The following ANO4 variants were observed in gnomAD, a reference collection of about 807,000 sequenced individuals.
ANO4 encodes the protein anoctamin 4, also known as anoctamin-4.
ANO4 carries 69 observed loss-of-function variants against 141.9 expected under a neutral mutation model. The observed-to-expected ratio is 0.49, with a 90% CI of 0.40 to 0.59. The LOEUF is 0.59. ANO4 is among the 20% of genes least tolerant of loss of function. ANO4 has a pLI of 0.00. For missense variants in ANO4, 894 were observed against 1,162.2 expected (o/e 0.77, Z 3.36); for synonymous variants, 350 against 394.3 (o/e 0.89, Z 1.33).
intron 5 of ANO4, among the ~76,000 whole-genome samples, chr12:100,955,464 A>G (rs1392228789): frequency 6.6e-6 from 1 of 152,112 alleles, no homozygotes; most frequent in Non-Finnish European, 1.5e-5. Context: ...GGTAAAAGTG[A>G]ACTTTTACGA....
chr12:100,964,237 T>C lies in ANO4; in HGVS notation c.457-7069T>C, dbSNP rs917678096. ...ACAGCAGTTCTGAAGCCAGACTGCA[T>C]TGATGAGAACCAGGCTCCATTCCTT... On this transcript the variant is annotated intron_variant, in intron 5 of 27. Transcript: ENST00000392977. Among the ~76,000 whole-genome samples, 2 of 152,214 alleles carry C rather than the reference T, an allele frequency of 1.3e-5. 1 individual carries two copies. Among genetic ancestry groups the C allele is most frequent in the South Asian group, 4.1e-4 (2 of 4,822 alleles).
chr12:100,972,805 C>T (rs2043987573), intron 6 of ANO4, among the ~76,000 whole-genome samples: 1 of 152,178 alleles, frequency 6.6e-6, no homozygotes. Context: ...AAATAAATCT[C>T]ATAAAACCTT....
chr12:100,959,250 A>T (rs1049755426), intron 5 of ANO4, among the ~76,000 whole-genome samples: 7 of 151,842 alleles, frequency 4.6e-5, no homozygotes, highest in African/African-American at 1.5e-4. Context: ...CTGTCGCGGG[A>T]GCTCTCCTAT....
At chr12:100,824,516 A>T (rs902029751) in intron 1 of ANO4, among the ~76,000 whole-genome samples, 1 of 152,036 alleles carries the variant, frequency 6.6e-6, no homozygotes, top group African/African-American at 2.4e-5. Flanking sequence ...GTTTTCCTCA[A>T]ATGGACTTAA....
chr12:100,932,024 G>A (rs1377414541), intron 3 of ANO4, among the ~76,000 whole-genome samples: 3 of 149,448 alleles, frequency 2.0e-5, no homozygotes, highest in African/African-American at 7.4e-5. Flanking sequence ...TTTGAGGTCA[G>A]TATGTAATCC....
intron 1 of ANO4, among the ~76,000 whole-genome samples, chr12:100,809,822 A>G (rs2035287547): frequency 6.6e-6 from 1 of 152,220 alleles, no homozygotes; most frequent in Non-Finnish European, 1.5e-5. Flanking sequence ...TATGGGTATA[A>G]AATCAGGAAT....
chr12:100,732,343 T>G (rs774258923), intron 1 of ANO4, among the ~76,000 whole-genome samples: 44 of 152,220 alleles, frequency 2.9e-4, no homozygotes, highest in Non-Finnish European at 4.6e-4. Flanking sequence ...CATCTTTTCA[T>G]GTGTGTATCT....
chr12:101,104,531 TTTAA>T (rs775049326), intron 22 of ANO4, among the ~76,000 whole-genome samples: 1 of 149,712 alleles, frequency 6.7e-6, no homozygotes, highest in Non-Finnish European at 1.5e-5. Context: ...TTGATTCTAA[TTTAA>T]TTACACTGTT....
intron 26 of ANO4, 46 bp downstream of exon 26, chr12:101,120,671 G>A (rs1226476208): frequency 6.9e-7 from 1 of 1,444,066 alleles, no homozygotes; most frequent in Non-Finnish European, 9.7e-7. Flanking sequence ...ACATAATGAA[G>A]TCAGTAGGAG....
At chr12:100,867,612 T>TCACA (rs35222532) in intron 1 of ANO4, among the ~76,000 whole-genome samples, 1,600 of 149,964 alleles carry the variant, frequency 0.011, 20 homozygotes, top group African/African-American at 0.037. Context: ...TCTCTCTCTC[T>TCACA]CACACACACA....
At chr12:101,085,169 A>T (rs1470432751) in intron 16 of ANO4, among the ~76,000 whole-genome samples, 2 of 152,210 alleles carry the variant, frequency 1.3e-5, no homozygotes, top group African/African-American at 4.8e-5. Context: ...GGAATCTCTA[A>T]ATCAGCAGAG....
intron 8 of ANO4, among the ~76,000 whole-genome samples, chr12:100,996,525 A>C (rs1469208051): frequency 2.0e-5 from 3 of 152,174 alleles, no homozygotes; most frequent in Non-Finnish European, 4.4e-5. Context: ...CTCTACTAAA[A>C]ATACAAAAAA....
chr12:100,967,585 ACAC>A (rs2043733121), intron 5 of ANO4, among the ~76,000 whole-genome samples: 1 of 151,466 alleles, frequency 6.6e-6, no homozygotes. Flanking sequence ...ACACACACAC[ACAC>A]ACACACACAC....
chr12:100,797,041 T>C (rs1004926007), intron 1 of ANO4, among the ~76,000 whole-genome samples: 5 of 152,140 alleles, frequency 3.3e-5, no homozygotes, highest in African/African-American at 4.8e-5. Context: ...AAAAACATTA[T>C]TTAGGTTTCC....
intron 1 of ANO4, among the ~76,000 whole-genome samples, chr12:100,882,935 A>C (rs2039640928): frequency 6.6e-6 from 1 of 152,072 alleles, no homozygotes. Flanking sequence ...TCCTGACCTC[A>C]GGTGATCTGT....
chr12:101,029,529 C>T (rs1286387623), intron 9 of ANO4, among the ~76,000 whole-genome samples: 1 of 152,066 alleles, frequency 6.6e-6, no homozygotes, highest in Non-Finnish European at 1.5e-5. Flanking sequence ...GGTTGCAAAC[C>T]TCATCTCTGA....
intron 1 of ANO4, chr12:100,717,663 G>C (rs1451457826): frequency 2.5e-6 from 1 of 396,474 alleles, no homozygotes; most frequent in Non-Finnish European, 4.5e-6. Flanking sequence ...GTCTGGAAGG[G>C]AGGGAGACGG....
chr12:101,042,268 G>T, intron 11 of ANO4, 66 bp from the exon 12 acceptor site: 1 of 1,589,136 alleles, frequency 6.3e-7, no homozygotes. Flanking sequence ...ATGACTATAC[G>T]AAGTTTCATA....
intron 4 of ANO4, among the ~76,000 whole-genome samples, chr12:100,941,509 T>C (rs1016448920): frequency 6.6e-6 from 1 of 152,214 alleles, no homozygotes; most frequent in Admixed American, 6.5e-5. Flanking sequence ...GATGCAACTA[T>C]AGTTTATGCA....
Sources: allele counts gnomAD v4.1 joint callset (sites outside exome capture counted in the v4.1 genomes callset), GRCh38; gene constraint gnomAD v4.1.1; transcripts MANE v1.5; gene names NCBI Gene and HGNC (gene_info 2026-07-23, HGNC 2026-07-21).